Variants in SYNE1 observed in about 807,000 individuals in gnomAD.
SYNE1 encodes the protein nesprin-1.
SYNE1 carries 616 observed loss-of-function variants against 1,111.0 expected under a neutral mutation model. The observed-to-expected ratio is 0.55, with a 90% CI of 0.52 to 0.59. SYNE1 has a LOEUF of 0.59. Ranked by LOEUF, SYNE1 falls within the 20% of genes least tolerant of loss-of-function variation. The probability of loss-of-function intolerance (pLI) is 0.00; values close to 1 mark genes in which losing one functional copy is unlikely to be tolerated. For missense variants in SYNE1, 10,006 were observed against 10,417.0 expected (o/e 0.96, Z 1.72); for synonymous variants, 3,855 against 3,825.8 (o/e 1.01, Z -0.28).
rs1194776782 is a variant in SYNE1, at chr6:152,330,668, G to A, written c.14017C>T (p.Arg4673Trp). The A allele has an allele frequency of 6.2e-6, 10 of 1,613,874 alleles. No individual in the cohort carries two copies. In the East Asian group the frequency reaches 1.1e-4, roughly 18 times the overall value. ...FYKVQEAILA[R>W]KEYASLIELT... ...TCAATCAAGGAAGCATATTCCTTCC[G>A]AGCAAGAATTGCTTCCTGGACTTTA... The change falls in exon 78 of 146, where the codon CGG becomes TGG. Residue 4673 changes from arginine (R) to tryptophan (W), a missense_variant. Arg to Trp is a moderately radical substitution (Grantham distance 101). Coordinates refer to ENST00000367255, the MANE Select transcript of SYNE1 (RefSeq NM_182961.4).
intron 63 of SYNE1, among the ~76,000 whole-genome samples, 153 bp downstream of exon 63, chr6:152,364,694 A>AAGGAAGGC (rs2097023863): frequency 9.6e-6 from 1 of 104,048 alleles, no homozygotes; most frequent in South Asian, 3.3e-4. Context: ...AGGAGGAAGG[A>AAGGAAGGC]AGGAAGGAAG....
rs778120621 is a variant in SYNE1, at chr6:152,387,422, G to A, written c.8178-41C>T. 3 of 1,596,756 alleles carry A rather than the reference G, an allele frequency of 1.9e-6. No individual in the cohort carries two copies. In the Admixed American group the frequency reaches 5.0e-5, roughly 27 times the overall value. ...CATATTAACAAAAATGAATTATTTT[G>A]ACATCTCTACTGAAAACCAATCACA... On this transcript the variant is annotated intron_variant, in intron 53 of 145. Coordinates refer to ENST00000367255, the MANE Select transcript of SYNE1 (RefSeq NM_182961.4).
In SYNE1 at chr6:152,330,022, T is replaced by G. The variant is rs201969586; in HGVS notation, c.14663A>C (p.Asp4888Ala). ...ECESRMVQSI[D>A]FQTEMSRSLD... Reference sequence around the variant, plus strand: ...GGAGCGACTCATCTCAGTCTGGAAGTCTATACTCTGCACCATTCGGCTCTC... The same window carrying G: ...GGAGCGACTCATCTCAGTCTGGAAGGCTATACTCTGCACCATTCGGCTCTC... The change falls in exon 78 of 146, where the codon GAC (aspartate) becomes GCC (alanine). Residue 4888 changes from aspartate to alanine, a missense_variant. Coordinates refer to ENST00000367255, the MANE Select transcript of SYNE1 (RefSeq NM_182961.4). 98 of 1,614,040 alleles carry G rather than the reference T, an allele frequency of 6.1e-5. No individual in the cohort carries two copies. The highest frequency in any genetic ancestry group is 8.3e-5 in the Non-Finnish European group (98 of 1,180,042).
intron 61 of SYNE1, chr6:152,368,760 G>T: frequency 1.6e-6 from 1 of 608,832 alleles, no homozygotes; most frequent in South Asian, 1.9e-5. Flanking sequence ...AACCTCCTTC[G>T]GCCTTTTCAG....
chr6:152,388,372 C>T lies in SYNE1; in HGVS notation c.8178-991G>A, dbSNP rs148240229. ...AGGTGATCCTCCCACCTCAGCCTCC[C>T]GAGTAGCTGGGACTGCAAGTGTGTG... is the stretch of plus-strand genomic sequence containing the variant. On this transcript the variant is annotated intron_variant, in intron 53 of 145. Transcript: ENST00000367255. Among the ~76,000 whole-genome samples, 857 of 152,194 alleles carry T rather than the reference C, an allele frequency of 5.6e-3. 5 individuals are homozygous for T. The highest frequency in any genetic ancestry group is 0.019 in the African/African-American group (772 of 41,506).
intron 137 of SYNE1, chr6:152,147,828 T>C (rs1056799305): frequency 7.1e-6 from 4 of 559,842 alleles, no homozygotes; most frequent in Admixed American, 2.9e-5. Context: ...GGCAAAGCGC[T>C]TGTCACCTAC....
At chr6:152,212,525 A>C (rs2077715185) in intron 123 of SYNE1, among the ~76,000 whole-genome samples, 1 of 152,148 alleles carries the variant, frequency 6.6e-6, no homozygotes, top group Non-Finnish European at 1.5e-5. Flanking sequence ...TCCATTTATC[A>C]GTTGATGGAC....
Position 152,387,760 on chromosome 6 carries a change from A to G in SYNE1, c.8178-379T>C, listed in dbSNP as rs187331437. ...ATCAGTTCTTAATTTTCTTGGAATTATCAATAGTTTATCTTATTAAAATCA... is the reference window on the plus strand; with the variant it reads ...ATCAGTTCTTAATTTTCTTGGAATTGTCAATAGTTTATCTTATTAAAATCA... On this transcript the variant is annotated intron_variant, in intron 53 of 145. Transcript: ENST00000367255. Among the ~76,000 whole-genome samples the G allele has an allele frequency of 3.1e-4, 47 of 152,320 alleles. No homozygotes were observed. The East Asian group carries it at 8.5e-3, about 28-fold the overall frequency.
intron 3 of SYNE1, among the ~76,000 whole-genome samples, chr6:152,590,731 T>C (rs1360350916): frequency 6.6e-6 from 1 of 152,194 alleles, no homozygotes; most frequent in African/African-American, 2.4e-5. Context: ...CTCCACTCCA[T>C]TGCTTATGCT....
chr6:152,628,686 G>A (rs2099691161), intron 2 of SYNE1, 132 bp from the exon 3 acceptor site: 1 of 245,496 alleles, frequency 4.1e-6, no homozygotes, highest in South Asian at 7.1e-5. Context: ...TTAGTGAAAA[G>A]CACTTATAAA....
At chr6:152,320,559 G>T (rs1589995083) in intron 84 of SYNE1, among the ~76,000 whole-genome samples, 1 of 151,966 alleles carries the variant, frequency 6.6e-6, no homozygotes, top group African/African-American at 2.4e-5. Context: ...TGATATTTGA[G>T]CCTATTTTCA....
chr6:152,293,140 T>C (rs1006869819), intron 95 of SYNE1, among the ~76,000 whole-genome samples: 1 of 152,228 alleles, frequency 6.6e-6, no homozygotes, highest in African/African-American at 2.4e-5. Flanking sequence ...TTATGAAGTC[T>C]GAGATGTATT....
At position 152,253,826 on chromosome 6, in the gene SYNE1, T is replaced by TG. The variant is rs1248304861; in HGVS notation, c.19470+1053_19470+1054insC. On this transcript the variant is annotated intron_variant, in intron 104 of 145. Coordinates refer to ENST00000367255, the MANE Select transcript of SYNE1 (RefSeq NM_182961.4). The stretch of plus-strand genomic sequence containing the variant: ...TTATGTGTAGTGGTTTGGTTTTTTT[T>TG]TTTTTTTTTTTTTTTTTTTTTTTTT... 3.1e-3 allele frequency among the ~76,000 whole-genome samples: 180 copies of TG among 57,246 alleles called. 3 individuals carry two copies. Among genetic ancestry groups the TG allele is most frequent in the African/African-American group, 0.023 (170 of 7,244 alleles). The allele number at this position is 57,246 out of a possible 152,430, so 37.6% of individuals were successfully genotyped here.
chr6:152,418,954 C>A (rs1167077717), intron 40 of SYNE1, among the ~76,000 whole-genome samples: 2 of 152,174 alleles, frequency 1.3e-5, no homozygotes, highest in Non-Finnish European at 2.9e-5. Flanking sequence ...CTATTTCTTT[C>A]TGTATAACAT....
chr6:152,560,225 G>C (rs1441416686), intron 3 of SYNE1, among the ~76,000 whole-genome samples: 1 of 152,132 alleles, frequency 6.6e-6, no homozygotes, highest in Non-Finnish European at 1.5e-5. Flanking sequence ...AATTAGCTGG[G>C]TGTGGTGGCA....
chr6:152,465,907 CT>C, intron 17 of SYNE1, 74 bp downstream of exon 17: 1 of 1,072,478 alleles, frequency 9.3e-7, no homozygotes, highest in South Asian at 1.3e-5. Flanking sequence ...AAAGAATGAT[CT>C]GATCAGATAG....
chr6:152,293,529 C>T (rs772527370), intron 95 of SYNE1, 59 bp downstream of exon 95: 4 of 1,596,984 alleles, frequency 2.5e-6, no homozygotes, highest in African/African-American at 1.3e-5. Context: ...GACAGGCCAA[C>T]CAGTCACAAC....
chr6:152,213,581 T>C, intron 123 of SYNE1, 31 bp downstream of exon 123: 2 of 1,613,800 alleles, frequency 1.2e-6, no homozygotes, highest in Non-Finnish European at 1.7e-6. Flanking sequence ...AAAAATTTCT[T>C]ATTACCCCCA....
At chr6:152,477,458 G>C (rs900980176) in intron 14 of SYNE1, among the ~76,000 whole-genome samples, 2 of 152,158 alleles carry the variant, frequency 1.3e-5, no homozygotes, top group Non-Finnish European at 2.9e-5. Context: ...TGAGGGATGA[G>C]AACATTCCAG....
Sources: gnomAD v4.1 joint callset for allele counts (sites outside exome capture counted in the v4.1 genomes callset) on GRCh38, gnomAD v4.1.1 for gene constraint, MANE v1.5 for transcripts, NCBI Gene and HGNC (gene_info 2026-07-23, HGNC 2026-07-21) for gene names.